Variants in NFATC2 observed in about 807,000 individuals in gnomAD.
NFATC2 encodes the protein nuclear factor of activated T cells 2, also known as nuclear factor of activated T-cells, cytoplasmic 2.
A neutral mutation model predicts 87.3 loss-of-function variants in NFATC2; 22 were observed. The ratio of observed to expected loss-of-function variants is 0.25; its 90% CI spans 0.18 to 0.36. The LOEUF (loss-of-function observed/expected upper bound fraction) is 0.36. NFATC2 is among the 10% of genes least tolerant of loss of function. The pLI, the probability that NFATC2 is intolerant of heterozygous loss-of-function variation, is 1.00. For synonymous variants in NFATC2, 565 were observed against 542.2 expected, an observed-to-expected ratio of 1.04 and a Z score of -0.58; for missense variants, 1,149 against 1,259.1, an observed-to-expected ratio of 0.91 and a Z score of 1.32.
intron 9 of NFATC2, among the ~76,000 whole-genome samples, chr20:51,421,810 T>C (rs1025004859): frequency 5.3e-5 from 8 of 152,184 alleles, no homozygotes; most frequent in African/African-American, 1.4e-4. Flanking sequence ...GCGGGCGAAA[T>C]GCAGCCCATG....
intron 3 of NFATC2, among the ~76,000 whole-genome samples, chr20:51,506,563 C>T (rs2076185046): frequency 7.1e-6 from 1 of 140,190 alleles, no homozygotes; most frequent in South Asian, 2.5e-4. Context: ...CTAGTGCCTT[C>T]CGAGGCCGTT....
intron 6 of NFATC2, chr20:51,452,885 AGAT>A (rs1038788444): frequency 6.5e-6 from 1 of 154,754 alleles, no homozygotes; most frequent in African/African-American, 2.4e-5. Flanking sequence ...TTCAGGGGAT[AGAT>A]GATGGAGAGT....
At chr20:51,444,011 C>T (rs1216314426) in intron 6 of NFATC2, among the ~76,000 whole-genome samples, 2 of 152,118 alleles carry the variant, frequency 1.3e-5, no homozygotes, top group East Asian at 3.9e-4. Flanking sequence ...GAAACAGGGT[C>T]TCACTTCATT....
intron 2 of NFATC2, among the ~76,000 whole-genome samples, chr20:51,518,216 A>C (rs965225427): frequency 6.6e-5 from 10 of 152,324 alleles, no homozygotes; most frequent in Middle Eastern, 3.4e-3. Flanking sequence ...AATTTTGAAA[A>C]GCATCACTAT....
At position 51,391,345 on chromosome 20, in the gene NFATC2, G is replaced by C; in HGVS notation, c.*151C>G. On this transcript the variant is annotated 3_prime_UTR_variant, in exon 11 of 11. Transcript: ENST00000371564. Reference sequence around the variant, plus strand: ...AGGAGACAGAAGGTGAGGGGCTGTGGAGGGCTCCGAGGGGTCAGATACAGA... The same window carrying C: ...AGGAGACAGAAGGTGAGGGGCTGTGCAGGGCTCCGAGGGGTCAGATACAGA... 1 of 1,581,384 alleles carries C rather than the reference G, an allele frequency of 6.3e-7. No homozygotes were observed.
At chr20:51,406,359 G>A (rs1035333306) in intron 9 of NFATC2, among the ~76,000 whole-genome samples, 3 of 126,180 alleles carry the variant, frequency 2.4e-5, no homozygotes, top group Non-Finnish European at 5.7e-5. Flanking sequence ...TCACCCACAT[G>A]GTACACAAAG....
At chr20:51,444,557 T>A (rs1984799977) in intron 6 of NFATC2, among the ~76,000 whole-genome samples, 1 of 151,888 alleles carries the variant, frequency 6.6e-6, no homozygotes, top group South Asian at 2.1e-4. Context: ...CTGGGAGAAA[T>A]GAGCAAGCTT....
At chr20:51,468,016 G>A (rs1173691061) in intron 5 of NFATC2, among the ~76,000 whole-genome samples, 1 of 152,172 alleles carries the variant, frequency 6.6e-6, no homozygotes, top group Non-Finnish European at 1.5e-5. Context: ...CCATAGCAGT[G>A]ACAGATCTCA....
chr20:51,526,572 A>T (rs1178899371), intron 1 of NFATC2, among the ~76,000 whole-genome samples: 1 of 152,176 alleles, frequency 6.6e-6, no homozygotes, highest in East Asian at 1.9e-4. Flanking sequence ...GGCTGAGAGA[A>T]TAAGTAAATA....
chr20:51,498,341 G>T (rs1217235178), intron 3 of NFATC2, among the ~76,000 whole-genome samples: 1 of 152,192 alleles, frequency 6.6e-6, no homozygotes, highest in Non-Finnish European at 1.5e-5. Flanking sequence ...GATAGATGAA[G>T]TACCTACTAT....
At chr20:51,540,806 C>T (rs902683681) in intron 1 of NFATC2, among the ~76,000 whole-genome samples, 1 of 151,778 alleles carries the variant, frequency 6.6e-6, no homozygotes, top group African/African-American at 2.4e-5. Context: ...CCCCGGAAAT[C>T]CCCCCACCCC....
intron 5 of NFATC2, among the ~76,000 whole-genome samples, chr20:51,461,961 C>CA (rs1487392748): frequency 6.6e-6 from 1 of 151,614 alleles, no homozygotes; most frequent in East Asian, 1.9e-4. Flanking sequence ...ACTAAAACTA[C>CA]AAAAAAAGTT....
intron 9 of NFATC2, among the ~76,000 whole-genome samples, chr20:51,402,384 G>A (rs1395548187): frequency 1.3e-5 from 2 of 151,862 alleles, no homozygotes; most frequent in Non-Finnish European, 2.9e-5. Context: ...TTACTTCCTT[G>A]TCCTTCAGCC....
chr20:51,471,451 C>T (rs1338583665), intron 5 of NFATC2, among the ~76,000 whole-genome samples: 4 of 152,174 alleles, frequency 2.6e-5, no homozygotes, highest in Non-Finnish European at 5.9e-5. Flanking sequence ...AGGAGAATTC[C>T]AATATTTCTA....
At position 51,562,541 on chromosome 20, in the gene NFATC2, G is replaced by GGGAT. The variant is rs1428037339; in HGVS notation, c.70+15_70+18dup. 1.3e-6 allele frequency: 2 copies of GGGAT among 1,547,372 alleles called. No homozygotes were observed. Among genetic ancestry groups the GGGAT allele is most frequent in the South Asian group, 2.4e-5 (2 of 83,710 alleles). Reference sequence around the variant, plus strand: ...GAGGAGCGAGCGGAAAAGGCTGGAAGGGATCGAGAGTCAGTTACCTTGGTC... The same window carrying GGGAT: ...GAGGAGCGAGCGGAAAAGGCTGGAAGGGATGGATCGAGAGTCAGTTACCTTGGTC... On this transcript the variant is annotated intron_variant, in intron 1 of 10. Transcript: ENST00000414705. The surrounding 1 kb of genome is among the most constrained non-coding windows in gnomAD (Gnocchi z 5.8).
intron 1 of NFATC2, among the ~76,000 whole-genome samples, chr20:51,540,498 G>A (rs1246659316): frequency 2.6e-5 from 4 of 152,112 alleles, no homozygotes; most frequent in Admixed American, 2.0e-4. Context: ...AGTTAATAAT[G>A]TGTCAATATT....
intron 1 of NFATC2, among the ~76,000 whole-genome samples, chr20:51,536,103 C>T (rs978987589): frequency 3.3e-5 from 5 of 152,292 alleles, no homozygotes; most frequent in Admixed American, 6.5e-5. Context: ...AGCAGAGCTC[C>T]CTGTCATTTC....
chr20:51,415,149 G>C (rs1979863660), intron 9 of NFATC2, among the ~76,000 whole-genome samples: 4 of 151,746 alleles, frequency 2.6e-5, no homozygotes, highest in Admixed American at 1.3e-4. Flanking sequence ...GGGGAGCTGA[G>C]GTGGGAGGAT....
chr20:51,543,438 G>A (rs1337780076), upstream of NFATC2, among the ~76,000 whole-genome samples: 1 of 152,224 alleles, frequency 6.6e-6, no homozygotes, highest in East Asian at 1.9e-4. Flanking sequence ...AGTCCCTTGG[G>A]TGGTCAAGGA....
Sources: allele counts gnomAD v4.1 joint callset (sites outside exome capture counted in the v4.1 genomes callset), GRCh38; gene constraint gnomAD v4.1.1; non-coding constraint Gnocchi (gnomAD v3.1); transcripts MANE v1.5; gene names NCBI Gene and HGNC (gene_info 2026-07-23, HGNC 2026-07-21).